Variants in NGF observed in about 807,000 individuals in gnomAD.
The protein encoded by NGF is beta-nerve growth factor.
A neutral mutation model predicts 12.8 loss-of-function variants in NGF; 4 were observed. That is an observed-to-expected ratio of 0.31 (90% confidence interval 0.15 to 0.72). NGF has a LOEUF of 0.72. NGF is among the 30% of genes least tolerant of loss of function. The pLI is 0.69. For synonymous variants in NGF, 140 were observed against 130.0 expected (o/e 1.08, Z -0.52); for missense variants, 283 against 330.8 (o/e 0.86, Z 1.12).
At chr1:115,316,161 C>T (rs1654471671) in intron 1 of NGF, among the ~76,000 whole-genome samples, 1 of 152,166 alleles carries the variant, frequency 6.6e-6, no homozygotes. Flanking sequence ...CTTGTCTTTG[C>T]TGCTCTGTGA....
intron 1 of NGF, among the ~76,000 whole-genome samples, chr1:115,332,325 C>T (rs1425494521): frequency 3.9e-5 from 6 of 152,116 alleles, no homozygotes; most frequent in Non-Finnish European, 5.9e-5. Flanking sequence ...GAAGATAAAT[C>T]GCAAGATGAA....
chr1:115,313,773 G>A (rs1423659295), intron 1 of NGF, among the ~76,000 whole-genome samples: 2 of 152,148 alleles, frequency 1.3e-5, no homozygotes, highest in Admixed American at 6.5e-5. Context: ...GACATATTTT[G>A]TGAATTATTT....
intron 2 of NGF, among the ~76,000 whole-genome samples, chr1:115,290,672 G>A (rs964096331): frequency 3.9e-5 from 6 of 152,100 alleles, no homozygotes; most frequent in African/African-American, 1.4e-4. Context: ...GATTATAGGC[G>A]TAAGCCACCA....
In NGF at chr1:115,294,952, A is replaced by G. The variant is rs559176904; in HGVS notation, c.-136-1202T>C. Among the ~76,000 whole-genome samples the G allele has an allele frequency of 9.9e-4, 151 of 152,340 alleles. 4 individuals carry two copies. In the South Asian group the frequency reaches 0.028, roughly 28 times the overall value. On this transcript the variant is annotated intron_variant, in intron 1 of 2. Coordinates refer to ENST00000369512, the MANE Select transcript of NGF (RefSeq NM_002506.3). Reference sequence around the variant, plus strand: ...ATATTTACGGATAAATGAATGAATGATTATGTCCATCACAGAATTTGTTGT... The same window carrying G: ...ATATTTACGGATAAATGAATGAATGGTTATGTCCATCACAGAATTTGTTGT...
At chr1:115,319,726 A>G (rs1654566522) in intron 1 of NGF, among the ~76,000 whole-genome samples, 1 of 152,120 alleles carries the variant, frequency 6.6e-6, no homozygotes. Flanking sequence ...CATCTCCTAA[A>G]CCATGCCCTC....
In NGF at chr1:115,286,702, T is replaced by C; in HGVS notation, c.94A>G (p.Ile32Val). 1 of 1,614,162 alleles carries C rather than the reference T, an allele frequency of 6.2e-7. No homozygotes were observed. Among genetic ancestry groups the C allele is most frequent in the South Asian group, 1.1e-5 (1 of 91,080 alleles). The change falls in exon 3 of 3, where the codon ATC becomes GTC. Residue 32 changes from isoleucine to valine, a missense_variant. Ile to Val is a conservative substitution (Grantham distance 29). This residue lies in a region of NGF where 151 missense variants were observed against 141.6 expected (regional missense o/e 1.07). Coordinates refer to ENST00000369512, the MANE Select transcript of NGF (RefSeq NM_002506.3). Reference sequence around the variant, plus strand: ...AGTTTAGTCCAGTGGGCTTGGGGGATGGTGTGTCCTGCAGGGACATTGCTC... The same window carrying C: ...AGTTTAGTCCAGTGGGCTTGGGGGACGGTGTGTCCTGCAGGGACATTGCTC... ...SESNVPAGHT[I>V]PQAHWTKLQH...
At chr1:115,316,623 G>A (rs1425785465) in intron 1 of NGF, among the ~76,000 whole-genome samples, 1 of 152,114 alleles carries the variant, frequency 6.6e-6, no homozygotes, top group Non-Finnish European at 1.5e-5. Flanking sequence ...GTTTGCTTAT[G>A]TAAATATCCA....
chr1:115,301,616 T>C (rs1489773005), intron 1 of NGF, among the ~76,000 whole-genome samples: 3 of 152,204 alleles, frequency 2.0e-5, no homozygotes, highest in Admixed American at 6.5e-5. Flanking sequence ...CCAGTCGTGA[T>C]TGGAATGGCT....
At chr1:115,289,706 G>A (rs1437743675) in intron 2 of NGF, among the ~76,000 whole-genome samples, 1 of 152,096 alleles carries the variant, frequency 6.6e-6, no homozygotes, top group Admixed American at 6.5e-5. Context: ...ACCATTTGAT[G>A]ATAGTTTCAC....
chr1:115,296,508 T>C (rs1005149758), intron 1 of NGF, among the ~76,000 whole-genome samples: 3 of 152,230 alleles, frequency 2.0e-5, no homozygotes. Context: ...GGGTGTCTAC[T>C]ATAAGCCAAC....
chr1:115,333,712 TC>T (rs1557949323), intron 1 of NGF, among the ~76,000 whole-genome samples: 4 of 53,202 alleles, frequency 7.5e-5, no homozygotes, highest in East Asian at 1.1e-3. Flanking sequence ...TTTCTTTCTT[TC>T]TTTTCTTTCT....
rs1557950789 is a variant in NGF at position 115,337,268 on chromosome 1, T to TTTG, written c.-137+935_-137+936insCAA. Among the ~76,000 whole-genome samples, 76 of 34,180 alleles carry TTTG rather than the reference T, an allele frequency of 2.2e-3. 2 individuals carry two copies. Among genetic ancestry groups the TTTG allele is most frequent in the South Asian group, 9.3e-3 (5 of 540 alleles). The allele number at this position is 34,180 out of a possible 152,430, so 22.4% of individuals were successfully genotyped here. A position where few individuals can be genotyped will look rare whatever the true frequency, so the allele number is the denominator to read the frequency against. ...CGAAATTTTTTTTGTTTTGTTTTTG[T>TTTG]TTTTTTTTTTTTTTTTTTTTTTTTT... is the stretch of plus-strand genomic sequence containing the variant. On this transcript the variant is annotated intron_variant, in intron 1 of 2. Transcript: ENST00000369512.
intron 1 of NGF, among the ~76,000 whole-genome samples, chr1:115,330,969 G>A (rs1654906921): frequency 6.6e-6 from 1 of 152,272 alleles, no homozygotes; most frequent in East Asian, 1.9e-4. Flanking sequence ...AGCAGCCACA[G>A]GCCTCGGGGA....
intron 1 of NGF, among the ~76,000 whole-genome samples, chr1:115,327,792 C>A (rs1040810399): frequency 1.3e-5 from 2 of 152,192 alleles, no homozygotes; most frequent in Non-Finnish European, 2.9e-5. Context: ...CTCCCTGGTG[C>A]TTGGCTCAAT....
intron 1 of NGF, among the ~76,000 whole-genome samples, chr1:115,316,850 T>C (rs1199825715): frequency 6.6e-6 from 1 of 152,216 alleles, no homozygotes; most frequent in Non-Finnish European, 1.5e-5. Context: ...TTCTGACAAG[T>C]TGAATACTAT....
chr1:115,329,149 A>G (rs1367418813), intron 1 of NGF, among the ~76,000 whole-genome samples: 1 of 151,738 alleles, frequency 6.6e-6, no homozygotes, highest in Non-Finnish European at 1.5e-5. Context: ...GAGGAAGAAG[A>G]GAAGGAGGAG....
intron 1 of NGF, among the ~76,000 whole-genome samples, chr1:115,312,210 C>T (rs566606893): frequency 1.2e-4 from 19 of 152,272 alleles, no homozygotes; most frequent in African/African-American, 3.4e-4. Flanking sequence ...TTATTCAATA[C>T]TTTGTGGTTC....
At chr1:115,306,089 G>A (rs4623700) in intron 1 of NGF, among the ~76,000 whole-genome samples, 7,939 of 152,146 alleles carry the variant, frequency 0.052, 311 homozygotes, top group Non-Finnish European at 0.084. Flanking sequence ...AATTCCAGTC[G>A]ACAAGAATAG....
Position 115,301,461 on chromosome 1 carries a change from C to T in NGF, c.-136-7711G>A, listed in dbSNP as rs147510019. Among the ~76,000 whole-genome samples, 12 of 152,280 alleles carry T rather than the reference C, an allele frequency of 7.9e-5. 1 individual carries two copies. Among genetic ancestry groups the T allele is most frequent in the African/African-American group, 2.4e-4 (10 of 41,544 alleles). On this transcript the variant is annotated intron_variant, in intron 1 of 2. Coordinates refer to ENST00000369512, the MANE Select transcript of NGF (RefSeq NM_002506.3). Reference sequence around the variant, plus strand: ...TGGTGCTACATAAATATCAGCTATTCTTATTAATATCATTAAAGACATTTG... The same window carrying T: ...TGGTGCTACATAAATATCAGCTATTTTTATTAATATCATTAAAGACATTTG...
Sources: allele counts gnomAD v4.1 joint callset (sites outside exome capture counted in the v4.1 genomes callset), GRCh38; gene constraint gnomAD v4.1.1; regional missense constraint gnomAD v4.1.1; transcripts MANE v1.5; gene names NCBI Gene and HGNC (gene_info 2026-07-23, HGNC 2026-07-21).